RBM4: variants seen among roughly 807,000 people sequenced by gnomAD.
The protein encoded by RBM4 is RNA-binding protein 4.
A neutral mutation model predicts 29.5 loss-of-function variants in RBM4; 7 were observed. That is an observed-to-expected ratio of 0.24 (90% CI 0.14 to 0.45). RBM4 has a LOEUF of 0.45. Ranked by LOEUF, RBM4 falls within the 20% of genes least tolerant of loss-of-function variation. The pLI, the probability that RBM4 is intolerant of heterozygous loss-of-function variation, is 1.00. For missense variants in RBM4, 387 were observed against 502.3 expected (o/e 0.77, Z 2.19); for synonymous variants, 220 against 205.4 (o/e 1.07, Z -0.61).
chr11:66,646,247 C>A lies in RBM4; in HGVS notation c.*229C>A. 1 of 1,418,790 alleles carries A rather than the reference C, an allele frequency of 7.0e-7. No homozygotes were observed. The highest frequency in any genetic ancestry group is 9.2e-7 in the Non-Finnish European group (1 of 1,086,494). 87.9% of individuals were successfully genotyped at this position (1,418,790 alleles called of 1,614,324 possible). ...CTGTCCTTCAATACTTCTGTAGCTT[C>A]CCATTCATGTTCTCTTCTCCCAGCA... is the stretch of plus-strand genomic sequence containing the variant. On this transcript the variant is annotated 3_prime_UTR_variant, in exon 4 of 4. Coordinates refer to ENST00000310092, the MANE Select transcript of RBM4 (RefSeq NM_002896.4).
chr11:66,639,680 G>A lies in RBM4; in HGVS notation c.-12-20G>A. The A allele has an allele frequency of 6.2e-7, 1 of 1,606,018 alleles. No homozygotes were observed. On this transcript the variant is annotated intron_variant, in intron 1 of 3. Transcript: ENST00000310092. Reference sequence around the variant, plus strand: ...GTGGGCCTGAGGTCTTTTGTCAGATGTCTTGTTTTTCTCTCCCAGGCTCTT... The same window carrying A: ...GTGGGCCTGAGGTCTTTTGTCAGATATCTTGTTTTTCTCTCCCAGGCTCTT...
At position 66,643,741 on chromosome 11, in the gene RBM4, C is replaced by G. The variant is rs1422008680; in HGVS notation, c.704C>G (p.Ala235Gly). Reference protein sequence around the residue: ...CRAARSYEAVAAAAASVYNYA... With the variant: ...CRAARSYEAVGAAAASVYNYA... ...GCTGCCCGGTCCTATGAGGCAGTGG[C>G]AGCTGCAGCTGCCTCCGTGTATAAT... Residue 235 changes from alanine to glycine, a missense_variant, in exon 3 of 4, where the codon GCA becomes GGA. By Grantham distance (60) the Ala-to-Gly change is moderately conservative. Around this residue, in one of 2 missense-constraint regions of RBM4, gnomAD observed 281 missense variants for 288.7 expected, o/e 0.97. Transcript: ENST00000310092. This position sits in a 1 kb window ranked among gnomAD's most constrained non-coding sequence, Gnocchi z 6.1. The G allele has an allele frequency of 6.2e-7, 1 of 1,614,088 alleles. No individual in the cohort carries two copies. The highest frequency in any genetic ancestry group is 2.2e-5 in the East Asian group (1 of 44,884).
chr11:66,642,648 C>T (rs555163596), intron 2 of RBM4, among the ~76,000 whole-genome samples: 38 of 152,172 alleles, frequency 2.5e-4, no homozygotes, highest in South Asian at 6.2e-4. Context: ...TAGTTATTCT[C>T]CACTTTCCTC....
rs569462990 is a variant in RBM4, at chr11:66,644,302, A to G, written c.*8+162A>G. Reference sequence around the variant, plus strand: ...AGAGAAGTCCTAACTGCTTAACTTTAAAATACATAGAGTTCCTTGGCCCTC... The same window carrying G: ...AGAGAAGTCCTAACTGCTTAACTTTGAAATACATAGAGTTCCTTGGCCCTC... On this transcript the variant is annotated intron_variant, in intron 3 of 3. Transcript: ENST00000310092. 12 of 1,007,764 alleles carry G rather than the reference A, an allele frequency of 1.2e-5. No individual in the cohort carries two copies. In the South Asian group the frequency reaches 2.2e-4, roughly 18 times the overall value. The allele number at this position is 1,007,764 out of a possible 1,614,324, so 62.4% of individuals were successfully genotyped here. A position where few individuals can be genotyped will look rare whatever the true frequency, so the allele number is the denominator to read the frequency against.
At position 66,659,383 on chromosome 11, in the gene RBM4, G is replaced by A. The variant is rs560843655; in HGVS notation, c.413-6473G>A. Among the ~76,000 whole-genome samples, 14 of 144,082 alleles carry A rather than the reference G, an allele frequency of 9.7e-5. No homozygotes were observed. In the East Asian group the frequency reaches 2.9e-3, roughly 30 times the overall value. 94.5% of individuals were successfully genotyped at this position (144,082 alleles called of 152,430 possible). A position where few individuals can be genotyped will look rare whatever the true frequency, so the allele number is the denominator to read the frequency against. ...CCCCCCGGATTCAAGTGATTCTTCT[G>A]CCTCAGTCTCCTGAGTAGCTAGGAC... On this transcript the variant is annotated intron_variant, in intron 2 of 2. Transcript: ENST00000396053.
chr11:66,651,642 C>T (rs1433674460), intron 2 of RBM4, among the ~76,000 whole-genome samples: 4 of 152,162 alleles, frequency 2.6e-5, no homozygotes, highest in Non-Finnish European at 4.4e-5. Context: ...GCCACCATGC[C>T]CCGCCAACAG....
Position 66,643,529 on chromosome 11 carries a change from G to T in RBM4, c.492G>T (p.Arg164=). The part of the protein sequence containing the change: ...PGMGDQSGCY[R]CGKEGHWSKE... ...TGGGAGACCAGAGCGGCTGCTATCG[G>T]TGCGGGAAAGAGGGGCACTGGTCCA... The change falls in exon 3 of 4, where the codon CGG becomes CGT. Residue 164 remains arginine, a synonymous_variant. Transcript: ENST00000310092. This position sits in a 1 kb window ranked among gnomAD's most constrained non-coding sequence, Gnocchi z 6.1. The T allele has an allele frequency of 6.2e-7, 1 of 1,614,168 alleles. No homozygotes were observed. Among genetic ancestry groups the T allele is most frequent in the Non-Finnish European group, 8.5e-7 (1 of 1,180,040 alleles).
At chr11:66,644,441 A>G (rs1396993232) in intron 3 of RBM4, 1 of 274,092 alleles carries the variant, frequency 3.6e-6, no homozygotes, top group African/African-American at 2.2e-5. Flanking sequence ...CTATACTATA[A>G]TTGAACCTTA....
At chr11:66,658,754 T>C (rs1939011875) in intron 2 of RBM4, among the ~76,000 whole-genome samples, 1 of 151,870 alleles carries the variant, frequency 6.6e-6, no homozygotes, top group African/African-American at 2.4e-5. Context: ...CTGGCCAAGG[T>C]GGTGAAACCC....
downstream of RBM4, among the ~76,000 whole-genome samples, chr11:66,647,506 T>G (rs1938726532): frequency 6.6e-6 from 1 of 152,226 alleles, no homozygotes; most frequent in Non-Finnish European, 1.5e-5. Flanking sequence ...GTTTTTCCTT[T>G]AGTTTTTCCT....
downstream of RBM4, among the ~76,000 whole-genome samples, chr11:66,648,482 A>G (rs1319739556): frequency 6.6e-6 from 1 of 152,090 alleles, no homozygotes; most frequent in Non-Finnish European, 1.5e-5. Context: ...AGATCAGGCC[A>G]CTGCACTACA....
At chr11:66,666,484 A>G (rs968777778) in exon 3 of RBM4, 1 of 983,668 alleles carries the variant, frequency 1.0e-6, no homozygotes, top group Admixed American at 6.1e-5. Flanking sequence ...AGTCCATTTG[A>G]GGTTCACACC....
intron 2 of RBM4, chr11:66,640,332 C>T: frequency 1.5e-6 from 1 of 675,258 alleles, no homozygotes; most frequent in Non-Finnish European, 2.5e-6. Flanking sequence ...AAAAGCCACT[C>T]ACCTTTTATT....
chr11:66,648,392 G>A (rs1400613665), downstream of RBM4, among the ~76,000 whole-genome samples: 2 of 151,556 alleles, frequency 1.3e-5, no homozygotes, highest in Admixed American at 6.6e-5. Flanking sequence ...ATAGTGGTGC[G>A]CATTTGTGGT....
At chr11:66,645,343 C>T (rs932346862) in intron 3 of RBM4, among the ~76,000 whole-genome samples, 3 of 152,122 alleles carry the variant, frequency 2.0e-5, no homozygotes, top group Admixed American at 2.0e-4. Flanking sequence ...ACCATTGATC[C>T]TTAATTATAG....
chr11:66,656,184 T>C (rs1938945914), intron 2 of RBM4, among the ~76,000 whole-genome samples: 1 of 152,074 alleles, frequency 6.6e-6, no homozygotes, highest in Non-Finnish European at 1.5e-5. Context: ...TCACCCAGGC[T>C]GGAGTGCAGT....
intron 2 of RBM4, among the ~76,000 whole-genome samples, chr11:66,654,788 G>A (rs532393232): frequency 7.9e-5 from 12 of 151,716 alleles, no homozygotes; most frequent in Non-Finnish European, 1.8e-4. Context: ...AAAGTGGTGG[G>A]ATTACAGGTG....
At chr11:66,660,891 G>A (rs1009127670) in intron 2 of RBM4, among the ~76,000 whole-genome samples, 6 of 152,120 alleles carry the variant, frequency 3.9e-5, no homozygotes, top group East Asian at 1.9e-4. Context: ...TCCTGACCTC[G>A]TGATCCACCC....
At position 66,653,451 on chromosome 11, in the gene RBM4, T is replaced by G. The variant is rs182580570; in HGVS notation, c.413-12405T>G. ...ATCTCGGCTCACTGCAACCTCTGCT[T>G]CTTGGGTCCAAGCAAATCTCCTGTC... On this transcript the variant is annotated intron_variant, in intron 2 of 2. Coordinates refer to the RBM4 transcript ENST00000396053. Among the ~76,000 whole-genome samples, 1,411 of 151,976 alleles carry G rather than the reference T, an allele frequency of 9.3e-3. 15 individuals are homozygous for G. The highest frequency in any genetic ancestry group is 0.017 in the Middle Eastern group (5 of 292).
Sources: allele counts gnomAD v4.1 joint callset (sites outside exome capture counted in the v4.1 genomes callset), GRCh38; gene constraint gnomAD v4.1.1; regional missense constraint gnomAD v4.1.1; non-coding constraint Gnocchi (gnomAD v3.1); transcripts MANE v1.5; gene names NCBI Gene and HGNC (gene_info 2026-07-23, HGNC 2026-07-21).